The following RANBP10 variants were observed in gnomAD, a reference collection of about 807,000 sequenced individuals.
RANBP10 encodes RAN binding protein 10.
Under a neutral mutation model 72.8 loss-of-function variants are expected in RANBP10, and 24 were observed. That is an observed-to-expected ratio of 0.33 (90% confidence interval 0.24 to 0.46). The LOEUF (loss-of-function observed/expected upper bound fraction) is 0.46, where lower values mean the gene tolerates loss of function less well. Among genes scored for constraint, RANBP10 ranks in the 20% least tolerant of loss-of-function variants. The probability of loss-of-function intolerance (pLI) is 1.00; values close to 1 mark genes in which losing one functional copy is unlikely to be tolerated. For missense variants in RANBP10, 679 were observed against 817.5 expected (o/e 0.83, Z 2.07); for synonymous variants, 310 against 322.3 (o/e 0.96, Z 0.41).
chr16:67,759,227 G>A (rs2143009585), intron 3 of RANBP10, among the ~76,000 whole-genome samples: 1 of 152,348 alleles, frequency 6.6e-6, no homozygotes, highest in South Asian at 2.1e-4. Flanking sequence ...TCTAGGCCAT[G>A]TGCCAGGGGT....
chr16:67,726,412 C>T lies in RANBP10; in HGVS notation c.*16G>A, dbSNP rs750033476. On this transcript the variant is annotated 3_prime_UTR_variant, in exon 14 of 14. Coordinates refer to ENST00000317506, the MANE Select transcript of RANBP10 (RefSeq NM_020850.3). ...GGGCCAGTGGAGGGCCAGCCAGAGC[C>T]AGCCAGCACAGTCAGCTAGTGCAAG... 1 of 1,611,984 alleles carries T rather than the reference C, an allele frequency of 6.2e-7. No individual in the cohort carries two copies. The highest frequency in any genetic ancestry group is 2.2e-5 in the East Asian group (1 of 44,812).
chr16:67,727,792 G>T lies in RANBP10; in HGVS notation c.1579C>A (p.Arg527=). 1 of 1,614,122 alleles carries T rather than the reference G, an allele frequency of 6.2e-7. No homozygotes were observed. Among genetic ancestry groups the T allele is most frequent in the Non-Finnish European group, 8.5e-7 (1 of 1,180,036 alleles). ...TGGGCCAAATTCTTGCCGTACTCCCGGCCCAACTGCTCACTCAATGCCTGC... is the reference window on the plus strand; with the variant it reads ...TGGGCCAAATTCTTGCCGTACTCCCTGCCCAACTGCTCACTCAATGCCTGC... The part of the protein sequence containing the change: ...ELQALSEQLG[R]EYGKNLAHTE... The change falls in exon 12 of 14, where the codon CGG becomes AGG. Residue 527 remains arginine (R), a synonymous_variant. Transcript: ENST00000317506.
At chr16:67,765,085 C>A (rs1347452483) in intron 3 of RANBP10, among the ~76,000 whole-genome samples, 1 of 151,396 alleles carries the variant, frequency 6.6e-6, no homozygotes, top group Non-Finnish European at 1.5e-5. Context: ...GCCTGTAAAC[C>A]CAGCACTTTG....
At chr16:67,782,587 GACT>G (rs1288691017) in intron 2 of RANBP10, among the ~76,000 whole-genome samples, 1 of 151,940 alleles carries the variant, frequency 6.6e-6, no homozygotes, top group Non-Finnish European at 1.5e-5. Context: ...AAGTAGCTGG[GACT>G]ACAAGGCGTG....
chr16:67,755,589 C>T (rs1402848616), intron 3 of RANBP10, among the ~76,000 whole-genome samples: 2 of 148,994 alleles, frequency 1.3e-5, no homozygotes, highest in East Asian at 2.0e-4. Flanking sequence ...AAGGCTGAGG[C>T]AGGAGAATTG....
rs1192849900 is a variant in RANBP10 at position 67,723,289 on chromosome 16, A to C, written c.*3139T>G. On this transcript the variant is annotated 3_prime_UTR_variant, in exon 14 of 14. Transcript: ENST00000317506. ...GAGGATGTCTGTTGCAGCTGTAGTT[A>C]CTAATGCAGGAAAACCCAATGCAAA... The C allele has an allele frequency of 6.5e-6, 1 of 152,692 alleles. No individual in the cohort carries two copies. Among genetic ancestry groups the C allele is most frequent in the Admixed American group, 6.5e-5 (1 of 15,288 alleles). The allele number at this position is 152,692 out of a possible 1,614,324, so 9.5% of individuals were successfully genotyped here. A position where few individuals can be genotyped will look rare whatever the true frequency, so the allele number is the denominator to read the frequency against.
intron 2 of RANBP10, among the ~76,000 whole-genome samples, chr16:67,797,224 C>A (rs1319890154): frequency 2.6e-5 from 4 of 152,238 alleles, no homozygotes; most frequent in Admixed American, 2.6e-4. Flanking sequence ...GGCAGAAAGG[C>A]AGGAGGTGAA....
At chr16:67,746,729 T>C (rs1326244335) in intron 3 of RANBP10, among the ~76,000 whole-genome samples, 3 of 152,190 alleles carry the variant, frequency 2.0e-5, no homozygotes, top group African/African-American at 7.2e-5. Flanking sequence ...ACTAATCTGA[T>C]GTGTTCCTAT....
chr16:67,755,393 G>C lies in RANBP10; in HGVS notation c.401-10938C>G, dbSNP rs925536630. The stretch of plus-strand genomic sequence containing the variant: ...GGACTGGGATGTGAGGGCCAGAAAA[G>C]AACAAGTGGGCTGGGCACGGTGGCT... On this transcript the variant is annotated intron_variant, in intron 3 of 13. Transcript: ENST00000317506. Among the ~76,000 whole-genome samples the C allele has an allele frequency of 2.0e-5, 3 of 152,142 alleles. No individual in the cohort carries two copies. The East Asian group carries it at 5.8e-4, about 29-fold the overall frequency.
In RANBP10 at chr16:67,725,357, T is replaced by C. The variant is rs2053579802; in HGVS notation, c.*1071A>G. On this transcript the variant is annotated 3_prime_UTR_variant, in exon 14 of 14. Coordinates refer to ENST00000317506, the MANE Select transcript of RANBP10 (RefSeq NM_020850.3). ...GAGCTGTGCAGAGATGGTGAAGATC[T>C]AGGCAGGAAGAAAGCAGCCCCTGTA... The C allele has an allele frequency of 6.6e-6, 1 of 152,482 alleles. No individual in the cohort carries two copies. Among genetic ancestry groups the C allele is most frequent in the Non-Finnish European group, 1.5e-5 (1 of 68,052 alleles). The allele number at this position is 152,482 out of a possible 1,614,324, so 9.4% of individuals were successfully genotyped here. A position where few individuals can be genotyped will look rare whatever the true frequency, so the allele number is the denominator to read the frequency against.
intron 3 of RANBP10, among the ~76,000 whole-genome samples, chr16:67,751,981 T>TA (rs559888877): frequency 8.6e-4 from 124 of 144,966 alleles, no homozygotes; most frequent in Non-Finnish European, 1.1e-3. Context: ...AGAGCTCAAT[T>TA]AAAAAAAAAA....
chr16:67,761,247 A>G (rs117024179), intron 3 of RANBP10, among the ~76,000 whole-genome samples: 4,508 of 152,312 alleles, frequency 0.03, 98 homozygotes, highest in Middle Eastern at 0.16. Context: ...GGCTCCCAGG[A>G]AAGTCTGAGC....
chr16:67,728,637 G>C (rs1432979954), intron 10 of RANBP10, 126 bp from the exon 11 acceptor site: 4 of 1,527,282 alleles, frequency 2.6e-6, no homozygotes, highest in Non-Finnish European at 3.5e-6. Context: ...GAACATGAAA[G>C]GACAGCTCAG....
At chr16:67,805,959 A>G (rs2055402125) in intron 1 of RANBP10, among the ~76,000 whole-genome samples, 1 of 152,212 alleles carries the variant, frequency 6.6e-6, no homozygotes, top group Non-Finnish European at 1.5e-5. Flanking sequence ...TCTCACGCTA[A>G]TGGTAGGTAT....
At chr16:67,760,272 T>G (rs2054370966) in intron 3 of RANBP10, among the ~76,000 whole-genome samples, 1 of 152,212 alleles carries the variant, frequency 6.6e-6, no homozygotes, top group South Asian at 2.1e-4. Flanking sequence ...TTGTTATTTC[T>G]TTTCATTGCT....
Position 67,725,968 on chromosome 16 carries a change from A to ATT in RANBP10, c.*458_*459dup, listed in dbSNP as rs1031521847. 2.8e-5 allele frequency: 4 copies of ATT among 140,770 alleles called. No homozygotes were observed. The highest frequency in any genetic ancestry group is 2.1e-4 in the South Asian group (1 of 4,700). 8.7% of individuals were successfully genotyped at this position (140,770 alleles called of 1,614,324 possible). On this transcript the variant is annotated 3_prime_UTR_variant, in exon 14 of 14. Coordinates refer to ENST00000317506, the MANE Select transcript of RANBP10 (RefSeq NM_020850.3). ...TACTGTCTTTTTTTTTAATATATAT[A>ATT]TTTTTATATATATATATATAATCTC... is the stretch of plus-strand genomic sequence containing the variant.
intron 3 of RANBP10, among the ~76,000 whole-genome samples, chr16:67,770,516 A>G (rs1159016234): frequency 5.3e-5 from 8 of 152,178 alleles, no homozygotes; most frequent in Non-Finnish European, 1.0e-4. Context: ...GTTTGGGGAA[A>G]GCCAGCTGCC....
intron 3 of RANBP10, among the ~76,000 whole-genome samples, chr16:67,751,198 G>A (rs949173008): frequency 2.0e-5 from 3 of 152,290 alleles, no homozygotes; most frequent in South Asian, 2.1e-4. Flanking sequence ...GGATATTTGG[G>A]AGATATTTTT....
In RANBP10 at chr16:67,789,838, C is replaced by T. The variant is rs138050339; in HGVS notation, c.347+15590G>A. 2.9e-3 allele frequency among the ~76,000 whole-genome samples: 444 copies of T among 151,936 alleles called. 1 individual carries two copies. The highest frequency in any genetic ancestry group is 0.017 in the Middle Eastern group (5 of 294). On this transcript the variant is annotated intron_variant, in intron 2 of 13. Transcript: ENST00000317506. ...AATGGACTGGGCGCAGTGGCTCACACCTGTAATCCCAGCACTTTGGGAGGC... is the reference window on the plus strand; with the variant it reads ...AATGGACTGGGCGCAGTGGCTCACATCTGTAATCCCAGCACTTTGGGAGGC...
Sources: gnomAD v4.1 joint callset for allele counts (sites outside exome capture counted in the v4.1 genomes callset) on GRCh38, gnomAD v4.1.1 for gene constraint, MANE v1.5 for transcripts, NCBI Gene and HGNC (gene_info 2026-07-23, HGNC 2026-07-21) for gene names.